SH3D19: variants seen among roughly 807,000 people sequenced by gnomAD.
The protein encoded by SH3D19 is SH3 domain containing 19.
Under a neutral mutation model 112.1 loss-of-function variants are expected in SH3D19, and 58 were observed. The ratio of observed to expected loss-of-function variants is 0.52; its 90% CI spans 0.42 to 0.64. SH3D19 has a LOEUF of 0.64. Among genes scored for constraint, SH3D19 ranks in the 30% least tolerant of loss-of-function variants. SH3D19 has a pLI of 0.00. For missense variants in SH3D19, 1,090 were observed against 1,263.4 expected, an observed-to-expected ratio of 0.86 and a Z score of 2.08; for synonymous variants, 391 against 448.5, an observed-to-expected ratio of 0.87 and a Z score of 1.62.
intron 11 of SH3D19, among the ~76,000 whole-genome samples, chr4:151,145,620 T>C (rs138347175): frequency 0.014 from 2,123 of 152,350 alleles, 29 homozygotes; most frequent in Non-Finnish European, 0.021. Context: ...AACAGCCTTG[T>C]TGCTCTCACA....
At chr4:151,148,503 A>C (rs1754348740) in intron 10 of SH3D19, among the ~76,000 whole-genome samples, 1 of 152,188 alleles carries the variant, frequency 6.6e-6, no homozygotes. Context: ...TCTTAAACAC[A>C]TCATGACTAT....
chr4:151,180,411 C>CTTTTTTTTTTTTTTTTT (rs367719721), intron 3 of SH3D19, among the ~76,000 whole-genome samples: 1 of 130,768 alleles, frequency 7.6e-6, no homozygotes, highest in Non-Finnish European at 1.6e-5. Context: ...ATTTTTTTTT[C>CTTTTTTTTTTTTTTTTT]TTTTTTTTTT....
rs1195291925 is a variant in SH3D19, at chr4:151,282,526, C to A, written c.112+42715G>T. ...AAAATATTTTTCAACAAAACCAGATCAATCTAATGATATTATCTATAAGTT... is the reference window on the plus strand; with the variant it reads ...AAAATATTTTTCAACAAAACCAGATAAATCTAATGATATTATCTATAAGTT... On this transcript the variant is annotated intron_variant, in intron 1 of 19. Transcript: ENST00000604030. The A allele has an allele frequency of 3.3e-5, 34 of 1,020,876 alleles. No individual in the cohort carries two copies. In the East Asian group the frequency reaches 8.5e-4, roughly 25 times the overall value. 63.2% of individuals were successfully genotyped at this position (1,020,876 alleles called of 1,614,324 possible).
chr4:151,226,478 C>T (rs1769018978), intron 1 of SH3D19: 1 of 989,262 alleles, frequency 1.0e-6, no homozygotes, highest in Non-Finnish European at 1.2e-6. Context: ...TTGGCAGAAG[C>T]TTCTAACAGA....
At chr4:151,170,227 A>G (rs1406927054) in intron 7 of SH3D19, among the ~76,000 whole-genome samples, 1 of 152,166 alleles carries the variant, frequency 6.6e-6, no homozygotes, top group Non-Finnish European at 1.5e-5. Flanking sequence ...AAATCTCTGA[A>G]TTGTTTGACT....
At position 151,182,410 on chromosome 4, in the gene SH3D19, G is replaced by A. The variant is rs6852308; in HGVS notation, c.194-3013C>T. Among the ~76,000 whole-genome samples, 424 of 152,260 alleles carry A rather than the reference G, an allele frequency of 2.8e-3. 4 individuals carry two copies. The highest frequency in any genetic ancestry group is 9.8e-3 in the African/African-American group (407 of 41,532). Reference sequence around the variant, plus strand: ...GTACTTAAAAGGTAATTCAGTAGTCGATCTACATTGTTTAAAATCAGCAAT... The same window carrying A: ...GTACTTAAAAGGTAATTCAGTAGTCAATCTACATTGTTTAAAATCAGCAAT... On this transcript the variant is annotated intron_variant, in intron 3 of 19. Coordinates refer to ENST00000604030, the MANE Select transcript of SH3D19 (RefSeq NM_001378122.1).
intron 1 of SH3D19, among the ~76,000 whole-genome samples, chr4:151,239,008 AAAGT>A (rs1309498347): frequency 1.3e-5 from 2 of 152,184 alleles, no homozygotes; most frequent in Non-Finnish European, 2.9e-5. Flanking sequence ...GAATGCTTCT[AAAGT>A]AAGTGCCCAA....
rs768106934 is a variant in SH3D19 at position 151,174,662 on chromosome 4, T to G, written c.1534+8A>C. On this transcript the variant is annotated splice_region_variant and intron_variant, in intron 7 of 19. Coordinates refer to ENST00000604030, the MANE Select transcript of SH3D19 (RefSeq NM_001378122.1). ...TAGATTCCCCTCCACTGCTGATTTT[T>G]CACTCACCTAGAACCATCTCTGAAC... 2 of 1,496,196 alleles carry G rather than the reference T, an allele frequency of 1.3e-6. No individual in the cohort carries two copies. Among genetic ancestry groups the G allele is most frequent in the East Asian group, 2.3e-5 (1 of 43,202 alleles). 92.7% of individuals were successfully genotyped at this position (1,496,196 alleles called of 1,614,324 possible).
intron 2 of SH3D19, among the ~76,000 whole-genome samples, chr4:151,217,474 G>C (rs1055453775): frequency 6.6e-6 from 1 of 152,152 alleles, no homozygotes; most frequent in Non-Finnish European, 1.5e-5. Context: ...TGCATGTTGA[G>C]TTTCAGTCTC....
intron 13 of SH3D19, 105 bp from the exon 14 acceptor site, chr4:151,137,967 A>G (rs1374127027): frequency 1.1e-6 from 1 of 870,434 alleles, no homozygotes; most frequent in Non-Finnish European, 1.6e-6. Flanking sequence ...GTTATGTTCC[A>G]CTGATTCTGA....
Position 151,121,147 on chromosome 4 carries a change from T to C in SH3D19, c.*944A>G, listed in dbSNP as rs1359591983. Reference sequence around the variant, plus strand: ...GAAATGAGCTGTGGAGGTTTGGCACTGTTTTCCATCTTAACAGTTGTTCTG... The same window carrying C: ...GAAATGAGCTGTGGAGGTTTGGCACCGTTTTCCATCTTAACAGTTGTTCTG... On this transcript the variant is annotated 3_prime_UTR_variant, in exon 20 of 20. Transcript: ENST00000604030. The C allele has an allele frequency of 6.6e-6, 1 of 152,620 alleles. No homozygotes were observed. Among genetic ancestry groups the C allele is most frequent in the Non-Finnish European group, 1.5e-5 (1 of 68,044 alleles). 9.5% of individuals were successfully genotyped at this position (152,620 alleles called of 1,614,324 possible). A position where few individuals can be genotyped will look rare whatever the true frequency, so the allele number is the denominator to read the frequency against.
At chr4:151,228,620 A>G (rs938741399) in intron 1 of SH3D19, among the ~76,000 whole-genome samples, 1 of 152,212 alleles carries the variant, frequency 6.6e-6, no homozygotes, top group Non-Finnish European at 1.5e-5. Context: ...TGGCAAAATA[A>G]TAAGTGGTTA....
intron 2 of SH3D19, among the ~76,000 whole-genome samples, chr4:151,223,345 A>G (rs1768423672): frequency 6.6e-6 from 1 of 152,176 alleles, no homozygotes; most frequent in Non-Finnish European, 1.5e-5. Flanking sequence ...CATTTCTCCT[A>G]CATGGGATCC....
intron 7 of SH3D19, among the ~76,000 whole-genome samples, chr4:151,166,863 A>G (rs1348173843): frequency 2.6e-5 from 4 of 152,178 alleles, no homozygotes; most frequent in Non-Finnish European, 4.4e-5. Context: ...TCTTCCACTC[A>G]GTTCTCAGTC....
At chr4:151,236,312 G>A (rs1348676498) in intron 1 of SH3D19, among the ~76,000 whole-genome samples, 1 of 152,274 alleles carries the variant, frequency 6.6e-6, no homozygotes, top group Non-Finnish European at 1.5e-5. Context: ...GGGTTCCGCG[G>A]GCCCCGCACT....
intron 2 of SH3D19, among the ~76,000 whole-genome samples, chr4:151,213,826 A>C (rs2149913503): frequency 6.6e-6 from 1 of 151,570 alleles, no homozygotes; most frequent in East Asian, 2.0e-4. Context: ...AGCTGGGACT[A>C]CAGGTGCATG....
At chr4:151,149,370 G>T in intron 10 of SH3D19, 130 bp downstream of exon 10, 1 of 666,598 alleles carries the variant, frequency 1.5e-6, no homozygotes, top group Non-Finnish European at 2.6e-6. Context: ...TTAGGGGCCT[G>T]CGTGAAATCG....
intron 1 of SH3D19, among the ~76,000 whole-genome samples, chr4:151,300,168 T>C (rs1213839695): frequency 6.6e-6 from 1 of 151,726 alleles, no homozygotes; most frequent in Non-Finnish European, 1.5e-5. Context: ...GCTATTGCAC[T>C]CCAGCCTGGG....
chr4:151,191,733 C>T (rs1313389898), intron 2 of SH3D19, among the ~76,000 whole-genome samples: 7 of 151,800 alleles, frequency 4.6e-5, no homozygotes, highest in Non-Finnish European at 1.0e-4. Context: ...GCAAGCTTCA[C>T]CTCCCAGGTT....
Sources: allele counts gnomAD v4.1 joint callset (sites outside exome capture counted in the v4.1 genomes callset), GRCh38; gene constraint gnomAD v4.1.1; transcripts MANE v1.5; gene names NCBI Gene and HGNC (gene_info 2026-07-23, HGNC 2026-07-21).